The following SNTG1 variants were observed in gnomAD, a reference collection of about 807,000 sequenced individuals.
SNTG1 encodes the protein syntrophin gamma 1.
Under a neutral mutation model 74.7 loss-of-function variants are expected in SNTG1, and 39 were observed. The ratio of observed to expected loss-of-function variants is 0.52; its 90% CI spans 0.40 to 0.68. The LOEUF is 0.68. Ranked by LOEUF, SNTG1 falls within the 30% of genes least tolerant of loss-of-function variation. The probability of loss-of-function intolerance (pLI) is 0.00; values close to 1 mark genes in which losing one functional copy is unlikely to be tolerated. For missense variants in SNTG1, 685 were observed against 609.5 expected, an observed-to-expected ratio of 1.12 and a Z score of -1.30; for synonymous variants, 254 against 217.1, an observed-to-expected ratio of 1.17 and a Z score of -1.49.
intron 11 of SNTG1, among the ~76,000 whole-genome samples, chr8:50,537,231 C>A (rs1730613149): frequency 6.6e-6 from 1 of 152,032 alleles, no homozygotes; most frequent in Non-Finnish European, 1.5e-5. Context: ...TTCAGGTGAT[C>A]CTCCCACTTC....
intron 2 of SNTG1, among the ~76,000 whole-genome samples, chr8:50,276,627 C>A (rs1186281045): frequency 1.3e-5 from 2 of 151,902 alleles, no homozygotes; most frequent in Admixed American, 1.3e-4. Flanking sequence ...TTAATCATTT[C>A]ATGCTATGGA....
chr8:49,918,710 T>A lies in SNTG1; in HGVS notation c.-103+6479T>A, dbSNP rs548399854. 4.6e-5 allele frequency among the ~76,000 whole-genome samples: 7 copies of A among 151,566 alleles called. No homozygotes were observed. In the East Asian group the frequency reaches 1.4e-3, roughly 29 times the overall value. On this transcript the variant is annotated intron_variant, in intron 1 of 18. Transcript: ENST00000642720. ...TATGCTTTGGTTTGATATATGGCAA[T>A]TTTTTTTTGTAATTTCTTCTTTTCT...
intron 1 of SNTG1, among the ~76,000 whole-genome samples, chr8:49,975,821 A>T (rs552659954): frequency 6.6e-6 from 1 of 151,730 alleles, no homozygotes; most frequent in African/African-American, 2.4e-5. Context: ...ATATAATTTT[A>T]ACAGTTTTTG....
intron 8 of SNTG1, among the ~76,000 whole-genome samples, chr8:50,454,619 A>T (rs2093486559): frequency 6.6e-6 from 1 of 152,184 alleles, no homozygotes; most frequent in Admixed American, 6.5e-5. Context: ...AGGAGGGCAG[A>T]TCACTTGAGG....
intron 12 of SNTG1, 105 bp downstream of exon 12, chr8:50,553,284 T>G: frequency 7.1e-7 from 1 of 1,416,270 alleles, no homozygotes; most frequent in Middle Eastern, 2.3e-4. Flanking sequence ...CTTCTCAGAA[T>G]GAGACATTCA....
intron 13 of SNTG1, among the ~76,000 whole-genome samples, chr8:50,609,577 A>T (rs919308731): frequency 5.9e-5 from 9 of 151,936 alleles, no homozygotes; most frequent in Non-Finnish European, 1.0e-4. Flanking sequence ...TTGTTCCTTG[A>T]GTTTTTAAAG....
chr8:50,511,880 C>G (rs983437953), intron 9 of SNTG1, among the ~76,000 whole-genome samples: 1 of 152,100 alleles, frequency 6.6e-6, no homozygotes, highest in African/African-American at 2.4e-5. Context: ...ATTTGCCAGT[C>G]TGTGTCTTTT....
chr8:50,602,372 G>C (rs1199238608), intron 13 of SNTG1, among the ~76,000 whole-genome samples: 1 of 151,992 alleles, frequency 6.6e-6, no homozygotes, highest in Admixed American at 6.6e-5. Context: ...AAAAATTGTT[G>C]CATAAACCAA....
intron 13 of SNTG1, 120 bp from the exon 14 acceptor site, chr8:50,656,789 T>C (rs913300636): frequency 1.5e-6 from 1 of 672,618 alleles, no homozygotes; most frequent in African/African-American, 1.9e-5. Context: ...TTTATGTGAG[T>C]TTTTAATACT....
At chr8:50,766,985 G>A (rs1418793834) in intron 18 of SNTG1, among the ~76,000 whole-genome samples, 1 of 151,852 alleles carries the variant, frequency 6.6e-6, no homozygotes, top group Non-Finnish European at 1.5e-5. Flanking sequence ...AAAAAGAAAA[G>A]GTGAGCCAGG....
chr8:50,109,938 C>G (rs2080518061), intron 1 of SNTG1, among the ~76,000 whole-genome samples: 1 of 152,094 alleles, frequency 6.6e-6, no homozygotes, highest in Non-Finnish European at 1.5e-5. Context: ...CTCTAGTTTT[C>G]CCACTTCTGT....
chr8:50,414,747 G>A (rs1473442862), intron 4 of SNTG1, among the ~76,000 whole-genome samples: 1 of 152,104 alleles, frequency 6.6e-6, no homozygotes, highest in African/African-American at 2.4e-5. Flanking sequence ...GTGTGTGCAT[G>A]TGTGTGCGTG....
chr8:50,033,120 T>G (rs903058531), intron 1 of SNTG1, among the ~76,000 whole-genome samples: 23 of 130,896 alleles, frequency 1.8e-4, no homozygotes, highest in African/African-American at 8.1e-4. Context: ...ATAAAAAGTG[T>G]TTTTTTTTTT....
At chr8:50,393,505 C>T (rs1304983757) in intron 2 of SNTG1, among the ~76,000 whole-genome samples, 1 of 152,142 alleles carries the variant, frequency 6.6e-6, no homozygotes, top group Non-Finnish European at 1.5e-5. Context: ...TGGGTGTCAA[C>T]TTTCCGTGAC....
intron 2 of SNTG1, among the ~76,000 whole-genome samples, chr8:50,351,284 A>G (rs2091652534): frequency 6.6e-6 from 1 of 152,218 alleles, no homozygotes; most frequent in Admixed American, 6.5e-5. Flanking sequence ...CCGAAAAACC[A>G]GGACAAGTTG....
chr8:50,510,289 T>G (rs2094056826), intron 9 of SNTG1, among the ~76,000 whole-genome samples: 1 of 152,174 alleles, frequency 6.6e-6, no homozygotes. Flanking sequence ...TGGATAAGCT[T>G]TTTGATGTGC....
At chr8:50,176,205 C>A (rs2082994256) in intron 2 of SNTG1, among the ~76,000 whole-genome samples, 1 of 152,080 alleles carries the variant, frequency 6.6e-6, no homozygotes, top group Non-Finnish European at 1.5e-5. Context: ...TCTGCTGTGG[C>A]CTGCCCCTCT....
intron 2 of SNTG1, among the ~76,000 whole-genome samples, chr8:50,364,485 C>G (rs1405899355): frequency 6.6e-6 from 1 of 151,986 alleles, no homozygotes; most frequent in Non-Finnish European, 1.5e-5. Context: ...TATGTATATT[C>G]TGGGAATAAA....
chr8:50,337,474 C>T (rs964703181), intron 2 of SNTG1, among the ~76,000 whole-genome samples: 4 of 152,140 alleles, frequency 2.6e-5, no homozygotes, highest in East Asian at 3.9e-4. Flanking sequence ...AATTTCTACC[C>T]GTTTCCTGCA....
Sources: allele counts gnomAD v4.1 joint callset (sites outside exome capture counted in the v4.1 genomes callset), GRCh38; gene constraint gnomAD v4.1.1; transcripts MANE v1.5; gene names NCBI Gene and HGNC (gene_info 2026-07-23, HGNC 2026-07-21).